The following LRIG1 variants were observed in gnomAD, a reference collection of about 807,000 sequenced individuals.
LRIG1 encodes leucine rich repeats and immunoglobulin like domains 1.
In LRIG1, 48 loss-of-function variants were observed where a neutral mutation model predicts 99.2. The observed-to-expected ratio is 0.48, with a 90% CI of 0.38 to 0.62. The LOEUF (loss-of-function observed/expected upper bound fraction) is 0.62. Among genes scored for constraint, LRIG1 ranks in the 20% least tolerant of loss-of-function variants. The probability of loss-of-function intolerance (pLI) is 0.00; values close to 1 mark genes in which losing one functional copy is unlikely to be tolerated. For missense variants in LRIG1, 1,646 were observed against 1,434.4 expected, an observed-to-expected ratio of 1.15 and a Z score of -2.38; for synonymous variants, 772 against 596.1, an observed-to-expected ratio of 1.29 and a Z score of -4.30.
chr3:66,440,458 G>A (rs747927335), intron 3 of LRIG1, among the ~76,000 whole-genome samples: 33 of 152,194 alleles, frequency 2.2e-4, no homozygotes, highest in Non-Finnish European at 2.1e-4. Context: ...TAAGAGGAAT[G>A]AACAGATACA....
At chr3:66,381,735 A>G (rs1701080149) in intron 16 of LRIG1, 104 bp from the exon 17 acceptor site, 2 of 1,331,198 alleles carry the variant, frequency 1.5e-6, no homozygotes, top group Non-Finnish European at 1.0e-6. Context: ...TTTTTTTTAA[A>G]AAGTTCTTCA....
At chr3:66,473,719 T>C (rs1700654007) in intron 1 of LRIG1, among the ~76,000 whole-genome samples, 2 of 152,212 alleles carry the variant, frequency 1.3e-5, no homozygotes, top group South Asian at 2.1e-4. Context: ...ATCCGCTGTA[T>C]TACAGGGAGG....
At chr3:66,409,378 G>C (rs1257849449) in intron 7 of LRIG1, among the ~76,000 whole-genome samples, 2 of 152,112 alleles carry the variant, frequency 1.3e-5, no homozygotes, top group South Asian at 2.1e-4. Flanking sequence ...GACATGATGG[G>C]GTGGCCAGGG....
chr3:66,404,280 A>G (rs964212287), intron 9 of LRIG1: 1 of 1,289,196 alleles, frequency 7.8e-7, no homozygotes, highest in Admixed American at 2.3e-5. Flanking sequence ...CTTTCCAAAT[A>G]TTTACTTGAC....
chr3:66,380,923 G>T lies in LRIG1; in HGVS notation c.2771-62C>A, dbSNP rs370316784. 4.4e-5 allele frequency: 68 copies of T among 1,548,408 alleles called. No homozygotes were observed. In the African/African-American group the frequency reaches 7.9e-4, roughly 18 times the overall value. ...CTGTGGGAGTCTTCGTCCCCACACA[G>T]AGGACAGGCTGCTCAGCTCCACTGT... is the stretch of plus-strand genomic sequence containing the variant. On this transcript the variant is annotated intron_variant, in intron 17 of 18. Coordinates refer to ENST00000273261, the MANE Select transcript of LRIG1 (RefSeq NM_015541.3).
intron 8 of LRIG1, among the ~76,000 whole-genome samples, 156 bp downstream of exon 8, chr3:66,407,192 C>T (rs985553220): frequency 2.0e-5 from 3 of 152,180 alleles, no homozygotes; most frequent in Non-Finnish European, 4.4e-5. Context: ...CAGTTGATTA[C>T]ATAAAAGTTT....
At chr3:66,442,702 T>A (rs948754966) in intron 3 of LRIG1, among the ~76,000 whole-genome samples, 2 of 151,820 alleles carry the variant, frequency 1.3e-5, no homozygotes, top group Admixed American at 1.3e-4. Flanking sequence ...TTGGGCTATA[T>A]TTAAAGCTTG....
intron 3 of LRIG1, among the ~76,000 whole-genome samples, chr3:66,430,576 G>A (rs1416164250): frequency 3.9e-5 from 6 of 152,172 alleles, no homozygotes; most frequent in Non-Finnish European, 7.3e-5. Context: ...AGCTGTACAA[G>A]CCACATATGG....
chr3:66,464,071 G>T (rs964458652), intron 1 of LRIG1, among the ~76,000 whole-genome samples: 1 of 152,144 alleles, frequency 6.6e-6, no homozygotes, highest in African/African-American at 2.4e-5. Flanking sequence ...TTAGACTTGA[G>T]AAAGAAAATC....
chr3:66,465,144 C>T (rs181500086), intron 1 of LRIG1, among the ~76,000 whole-genome samples: 104 of 152,276 alleles, frequency 6.8e-4, no homozygotes, highest in Admixed American at 6.8e-3. Flanking sequence ...CCAAGGCTCA[C>T]GTCCCTTTCT....
At chr3:66,459,814 G>T (rs1384173957) in intron 2 of LRIG1, among the ~76,000 whole-genome samples, 2 of 152,136 alleles carry the variant, frequency 1.3e-5, no homozygotes, top group South Asian at 4.1e-4. Flanking sequence ...TTTTAAATAT[G>T]AAGATGAATG....
At chr3:66,485,333 C>T (rs1031643700) in intron 1 of LRIG1, among the ~76,000 whole-genome samples, 1 of 152,112 alleles carries the variant, frequency 6.6e-6, no homozygotes, top group African/African-American at 2.4e-5. Flanking sequence ...AAATCCAAGG[C>T]ATGCCAAAGA....
chr3:66,395,331 A>C (rs1234846632), intron 11 of LRIG1, among the ~76,000 whole-genome samples: 6 of 152,044 alleles, frequency 3.9e-5, no homozygotes, highest in Non-Finnish European at 7.4e-5. Context: ...AAAGCAACCA[A>C]ATGGACTGGC....
intron 3 of LRIG1, among the ~76,000 whole-genome samples, chr3:66,435,891 G>T (rs6767026): frequency 2.6e-5 from 4 of 151,976 alleles, no homozygotes; most frequent in African/African-American, 9.7e-5. Flanking sequence ...GGAAAGTCTG[G>T]GGGAGTTCCC....
At position 66,399,773 on chromosome 3, in the gene LRIG1, A is replaced by C. The variant is rs1161390347; in HGVS notation, c.1161-732T>G. Among the ~76,000 whole-genome samples the C allele has an allele frequency of 2.0e-5, 3 of 152,196 alleles. No homozygotes were observed. In the East Asian group the frequency reaches 5.8e-4, roughly 29 times the overall value. On this transcript the variant is annotated intron_variant, in intron 9 of 18. Coordinates refer to ENST00000273261, the MANE Select transcript of LRIG1 (RefSeq NM_015541.3). ...ACATAGCGGGATGTTGTCTCAAACA[A>C]AAAACAAACAAAAACCCCCAAACTG...
rs1174469672 is a variant in LRIG1 at position 66,378,939 on chromosome 3, T to C, written c.*1324A>G. 1 of 152,670 alleles carries C rather than the reference T, an allele frequency of 6.6e-6. No individual in the cohort carries two copies. Among genetic ancestry groups the C allele is most frequent in the Non-Finnish European group, 1.5e-5 (1 of 68,042 alleles). 9.5% of individuals were successfully genotyped at this position (152,670 alleles called of 1,614,324 possible). On this transcript the variant is annotated 3_prime_UTR_variant, in exon 19 of 19. Transcript: ENST00000273261. Reference sequence around the variant, plus strand: ...GTACATAAAAGTAATACTCCCTCTTTCACATTGCCTCTCAGAAGCAGCAAA... The same window carrying C: ...GTACATAAAAGTAATACTCCCTCTTCCACATTGCCTCTCAGAAGCAGCAAA...
Position 66,462,380 on chromosome 3 carries a change from G to A in LRIG1, c.290+58C>T, listed in dbSNP as rs1000757108. On this transcript the variant is annotated intron_variant, in intron 2 of 18. Transcript: ENST00000273261. ...AGTGAGCGATGCTGCAATACAAGAG[G>A]ATTTTCCCAAAGAGCTCTCCATCCT... 49 of 1,312,102 alleles carry A rather than the reference G, an allele frequency of 3.7e-5. No homozygotes were observed. The South Asian group carries it at 5.8e-4, about 16-fold the overall frequency. 81.3% of individuals were successfully genotyped at this position (1,312,102 alleles called of 1,614,324 possible). A position where few individuals can be genotyped will look rare whatever the true frequency, so the allele number is the denominator to read the frequency against.
intron 12 of LRIG1, among the ~76,000 whole-genome samples, chr3:66,389,231 G>A (rs990852282): frequency 7.2e-5 from 11 of 152,028 alleles, no homozygotes; most frequent in African/African-American, 2.2e-4. Context: ...AAAAATACCC[G>A]TGTATTTAAA....
intron 1 of LRIG1, among the ~76,000 whole-genome samples, chr3:66,481,506 C>A (rs1700850703): frequency 6.6e-6 from 1 of 150,866 alleles, no homozygotes; most frequent in Non-Finnish European, 1.5e-5. Flanking sequence ...GATGCACAGA[C>A]CGGAGGGTTT....
Sources: gnomAD v4.1 joint callset for allele counts (sites outside exome capture counted in the v4.1 genomes callset) on GRCh38, gnomAD v4.1.1 for gene constraint, MANE v1.5 for transcripts, NCBI Gene and HGNC (gene_info 2026-07-23, HGNC 2026-07-21) for gene names.